Variants in EPHA6 observed in about 807,000 individuals in gnomAD.
EPHA6 encodes ephrin type-A receptor 6.
In EPHA6, 50 loss-of-function variants were observed where a neutral mutation model predicts 112.0. The ratio of observed to expected loss-of-function variants is 0.45; its 90% CI spans 0.36 to 0.56. The LOEUF is 0.56. Among genes scored for constraint, EPHA6 ranks in the 20% least tolerant of loss-of-function variants. The pLI, the probability that EPHA6 is intolerant of heterozygous loss-of-function variation, is 0.00. For missense variants in EPHA6, 1,280 were observed against 1,417.4 expected (o/e 0.90, Z 1.56); for synonymous variants, 529 against 490.7 (o/e 1.08, Z -1.03).
chr3:97,381,530 C>G (rs541223523), intron 5 of EPHA6, among the ~76,000 whole-genome samples: 10 of 152,178 alleles, frequency 6.6e-5, no homozygotes, highest in Non-Finnish European at 1.5e-4. Context: ...TTATACACCC[C>G]TATTAGGTAA....
At chr3:97,124,277 T>A (rs913434112) in intron 3 of EPHA6, among the ~76,000 whole-genome samples, 1 of 152,002 alleles carries the variant, frequency 6.6e-6, no homozygotes, top group Non-Finnish European at 1.5e-5. Flanking sequence ...CAGATGCGTT[T>A]CAGTATTAAT....
At chr3:97,046,291 A>G (rs2045503990) in intron 3 of EPHA6, among the ~76,000 whole-genome samples, 1 of 152,204 alleles carries the variant, frequency 6.6e-6, no homozygotes, top group Non-Finnish European at 1.5e-5. Flanking sequence ...TTTTTATATA[A>G]TTCATCACCT....
chr3:97,582,579 T>C (rs768727447), intron 11 of EPHA6, among the ~76,000 whole-genome samples: 1 of 152,292 alleles, frequency 6.6e-6, no homozygotes, highest in Non-Finnish European at 1.5e-5. Context: ...TGCATACATG[T>C]CATACATTTA....
chr3:97,246,878 G>A (rs1576762585), intron 5 of EPHA6, among the ~76,000 whole-genome samples: 1 of 152,008 alleles, frequency 6.6e-6, no homozygotes, highest in East Asian at 1.9e-4. Flanking sequence ...TAAGGGTAAT[G>A]TTATGAACTA....
At chr3:97,540,399 T>C (rs555967296) in intron 11 of EPHA6, among the ~76,000 whole-genome samples, 1 of 152,288 alleles carries the variant, frequency 6.6e-6, no homozygotes, top group East Asian at 1.9e-4. Context: ...TTCAAGCAGG[T>C]CTAGGGATAA....
intron 3 of EPHA6, among the ~76,000 whole-genome samples, chr3:97,109,821 C>G (rs779496109): frequency 1.8e-4 from 27 of 152,086 alleles, no homozygotes; most frequent in Non-Finnish European, 3.7e-4. Context: ...AGAGGATAGA[C>G]AGAAGGTTAC....
chr3:97,412,496 G>A lies in EPHA6; in HGVS notation c.1731+7222G>A, dbSNP rs150257456. Among the ~76,000 whole-genome samples, 508 of 152,008 alleles carry A rather than the reference G, an allele frequency of 3.3e-3. 4 individuals carry two copies. The highest frequency in any genetic ancestry group is 0.011 in the African/African-American group (476 of 41,484). ...GAGGTTGGAATAAATAATCTAAGTTGTTATCCAATTCTGAACTTCCATGAC... is the reference window on the plus strand; with the variant it reads ...GAGGTTGGAATAAATAATCTAAGTTATTATCCAATTCTGAACTTCCATGAC... On this transcript the variant is annotated intron_variant, in intron 6 of 17. Coordinates refer to ENST00000389672, the MANE Select transcript of EPHA6 (RefSeq NM_001080448.3).
intron 11 of EPHA6, 40 bp from the exon 12 acceptor site, chr3:97,592,572 A>G (rs370919313): frequency 1.2e-5 from 20 of 1,609,798 alleles, no homozygotes; most frequent in Non-Finnish European, 1.5e-5. Flanking sequence ...CTTTTCCATA[A>G]AGAAGACTTT....
At chr3:97,145,369 G>A (rs2076014877) in intron 3 of EPHA6, among the ~76,000 whole-genome samples, 1 of 150,970 alleles carries the variant, frequency 6.6e-6, no homozygotes, top group Non-Finnish European at 1.5e-5. Context: ...ACCCAAATGG[G>A]CTGTATTTTT....
At chr3:97,632,881 T>C (rs781372285) in intron 13 of EPHA6, among the ~76,000 whole-genome samples, 1 of 152,062 alleles carries the variant, frequency 6.6e-6, no homozygotes, top group Non-Finnish European at 1.5e-5. Context: ...AGGGTAAGAT[T>C]TGTGTTTTCA....
At chr3:97,165,237 C>A in intron 3 of EPHA6, among the ~76,000 whole-genome samples, 1 of 152,096 alleles carries the variant, frequency 6.6e-6, no homozygotes, top group East Asian at 1.9e-4. Flanking sequence ...CACCTATACT[C>A]CAAGATTACC....
intron 14 of EPHA6, among the ~76,000 whole-genome samples, chr3:97,679,149 A>G (rs2031651223): frequency 6.6e-6 from 1 of 152,058 alleles, no homozygotes; most frequent in Admixed American, 6.6e-5. Flanking sequence ...TTTCCTTCCA[A>G]TTGCTCTTTA....
intron 2 of EPHA6, among the ~76,000 whole-genome samples, chr3:96,912,905 T>G (rs868611340): frequency 1.3e-5 from 2 of 151,908 alleles, no homozygotes; most frequent in Non-Finnish European, 2.9e-5. Context: ...TGTAGACATA[T>G]TCTCAAGTCC....
chr3:97,267,002 G>A (rs1173227050), intron 5 of EPHA6, among the ~76,000 whole-genome samples: 1 of 152,104 alleles, frequency 6.6e-6, no homozygotes, highest in Non-Finnish European at 1.5e-5. Context: ...GAACTATTGA[G>A]ATCTGTAGCC....
chr3:97,230,011 G>A (rs1189468799), intron 4 of EPHA6, among the ~76,000 whole-genome samples: 1 of 151,964 alleles, frequency 6.6e-6, no homozygotes, highest in Admixed American at 6.6e-5. Context: ...AATCTTTCTT[G>A]CATGGTTACT....
intron 3 of EPHA6, among the ~76,000 whole-genome samples, chr3:97,066,574 T>C (rs1375441620): frequency 6.6e-6 from 1 of 152,194 alleles, no homozygotes; most frequent in African/African-American, 2.4e-5. Context: ...GATGAGTTTC[T>C]GCTGATAAGA....
At chr3:97,548,320 G>A (rs1396644613) in intron 11 of EPHA6, among the ~76,000 whole-genome samples, 4 of 152,196 alleles carry the variant, frequency 2.6e-5, no homozygotes, top group Admixed American at 1.3e-4. Context: ...GGCACATGAT[G>A]CCCACATGCT....
intron 2 of EPHA6, among the ~76,000 whole-genome samples, chr3:96,979,995 G>T (rs1051260732): frequency 8.5e-5 from 13 of 152,132 alleles, no homozygotes; most frequent in African/African-American, 3.1e-4. Context: ...CTCCCATTCT[G>T]TAGGTTGCCT....
chr3:96,978,238 C>A lies in EPHA6; in HGVS notation c.451-9092C>A, dbSNP rs111281698. On this transcript the variant is annotated intron_variant, in intron 2 of 17. Transcript: ENST00000389672. Reference sequence around the variant, plus strand: ...ATGGAACTGGACGATCATGAAGTGGCCTTCATCCTTGTTGTCTTTATGTTG... The same window carrying A: ...ATGGAACTGGACGATCATGAAGTGGACTTCATCCTTGTTGTCTTTATGTTG... Among the ~76,000 whole-genome samples the A allele has an allele frequency of 6.1e-3, 928 of 152,134 alleles. 7 individuals carry two copies. The highest frequency in any genetic ancestry group is 0.021 in the African/African-American group (876 of 41,482).
Sources: allele counts gnomAD v4.1 joint callset (sites outside exome capture counted in the v4.1 genomes callset), GRCh38; gene constraint gnomAD v4.1.1; transcripts MANE v1.5; gene names NCBI Gene and HGNC (gene_info 2026-07-23, HGNC 2026-07-21).